Variants in COMMD10 observed in about 807,000 individuals in gnomAD.
The protein encoded by COMMD10 is COMM domain containing 10, also known as COMM domain-containing protein 10.
COMMD10 carries 33 observed loss-of-function variants against 28.9 expected under a neutral mutation model. The ratio of observed to expected loss-of-function variants is 1.14; its 90% CI spans 0.87 to 1.53. COMMD10 has a LOEUF of 1.53. Among genes scored for constraint, COMMD10 ranks in the 40% most tolerant of loss-of-function variants. The pLI, the probability that COMMD10 is intolerant of heterozygous loss-of-function variation, is 0.00. For synonymous variants in COMMD10, 110 were observed against 81.7 expected, an observed-to-expected ratio of 1.35 and a Z score of -1.87; for missense variants, 310 against 233.4, an observed-to-expected ratio of 1.33 and a Z score of -2.14.
At chr5:116,116,804 C>T (rs1009902078) in intron 4 of COMMD10, among the ~76,000 whole-genome samples, 4 of 151,640 alleles carry the variant, frequency 2.6e-5, no homozygotes, top group African/African-American at 4.9e-5. Flanking sequence ...CTGCAAGCTC[C>T]GCTTCCCGGG....
rs201966138 is a variant in COMMD10, at chr5:116,091,084, G to C, written c.138G>C (p.Glu46Asp). 5 of 1,602,648 alleles carry C rather than the reference G, an allele frequency of 3.1e-6. No homozygotes were observed. In the South Asian group the frequency reaches 5.6e-5, roughly 18 times the overall value. The change falls in exon 3 of 7, where the codon GAG becomes GAC. Residue 46 changes from glutamate (E) to aspartate (D), a missense_variant. Coordinates refer to ENST00000274458, the MANE Select transcript of COMMD10 (RefSeq NM_016144.4). ...RILQKLHLKAESSFSEEEEEK... is the reference protein window; with the variant it reads ...RILQKLHLKADSSFSEEEEEK... Reference sequence around the variant, plus strand: ...GATTGCTATTTGTATTATAGGCTGAGAGCAGTTTCAGTGAAGAAGAGGAAG... The same window carrying C: ...GATTGCTATTTGTATTATAGGCTGACAGCAGTTTCAGTGAAGAAGAGGAAG...
intron 4 of COMMD10, among the ~76,000 whole-genome samples, chr5:116,130,204 A>T (rs1393374477): frequency 6.6e-6 from 1 of 151,848 alleles, no homozygotes; most frequent in Admixed American, 6.6e-5. Context: ...GAATGTGCTT[A>T]CTGTATGCGG....
At chr5:116,249,778 G>A (rs1750056831) in intron 5 of COMMD10, among the ~76,000 whole-genome samples, 1 of 151,860 alleles carries the variant, frequency 6.6e-6, no homozygotes, top group African/African-American at 2.4e-5. Context: ...CCTTTATATG[G>A]CTTATGCTTC....
chr5:116,192,114 G>C (rs552816410), intron 5 of COMMD10, among the ~76,000 whole-genome samples: 139 of 152,174 alleles, frequency 9.1e-4, no homozygotes, highest in Admixed American at 1.4e-3. Flanking sequence ...AAAATGGAGA[G>C]AGTACTACAT....
chr5:116,264,144 A>G (rs375605759), intron 5 of COMMD10, among the ~76,000 whole-genome samples: 2 of 151,648 alleles, frequency 1.3e-5, no homozygotes, highest in Non-Finnish European at 2.9e-5. Flanking sequence ...CTGTTTCCCA[A>G]CTACCTCTTG....
intron 4 of COMMD10, among the ~76,000 whole-genome samples, chr5:116,095,008 T>C (rs9687859): frequency 0.9 from 136,727 of 152,230 alleles, 61,549 homozygotes; most frequent in African/African-American, 0.94. Context: ...CACCAGAGGC[T>C]GAGAAGAATG....
intron 4 of COMMD10, among the ~76,000 whole-genome samples, chr5:116,108,286 C>A (rs1481848167): frequency 6.6e-6 from 1 of 152,242 alleles, no homozygotes; most frequent in Non-Finnish European, 1.5e-5. Context: ...CCACCCCTTT[C>A]CCCAGGTGCT....
chr5:116,153,009 T>C (rs572009152), intron 5 of COMMD10, among the ~76,000 whole-genome samples: 1 of 152,090 alleles, frequency 6.6e-6, no homozygotes, highest in Non-Finnish European at 1.5e-5. Flanking sequence ...TAGATTGGCA[T>C]GGTAGTAACT....
chr5:116,287,540 A>G (rs1456949603), intron 5 of COMMD10, among the ~76,000 whole-genome samples: 1 of 151,828 alleles, frequency 6.6e-6, no homozygotes, highest in South Asian at 2.1e-4. Flanking sequence ...ACCAGCCTGT[A>G]TCTTTTGATT....
chr5:116,156,354 ATAG>A (rs1470795007), intron 5 of COMMD10, among the ~76,000 whole-genome samples: 4 of 152,282 alleles, frequency 2.6e-5, no homozygotes, highest in South Asian at 2.1e-4. Context: ...AATTGGAACA[ATAG>A]TAGGTGCCTC....
At chr5:116,183,088 G>C (rs1748024588) in intron 5 of COMMD10, among the ~76,000 whole-genome samples, 1 of 152,014 alleles carries the variant, frequency 6.6e-6, no homozygotes, top group Non-Finnish European at 1.5e-5. Flanking sequence ...CCAGTCTTCG[G>C]TATTTCTTCA....
chr5:116,286,260 A>G (rs962886661), intron 5 of COMMD10, among the ~76,000 whole-genome samples: 7 of 151,334 alleles, frequency 4.6e-5, no homozygotes, highest in African/African-American at 1.7e-4. Context: ...TTTTTTCTTA[A>G]TTAGTCTAGC....
intron 5 of COMMD10, among the ~76,000 whole-genome samples, chr5:116,199,619 T>A (rs2112621642): frequency 6.6e-6 from 1 of 152,304 alleles, no homozygotes; most frequent in East Asian, 1.9e-4. Context: ...CTTTCCCTAA[T>A]GCTCCCTCTT....
chr5:116,289,766 T>C (rs905406494), intron 5 of COMMD10, among the ~76,000 whole-genome samples: 1 of 151,770 alleles, frequency 6.6e-6, no homozygotes, highest in Non-Finnish European at 1.5e-5. Flanking sequence ...TCCTACCACT[T>C]TCATTGGAAT....
At chr5:116,272,285 G>A (rs1750780503) in intron 5 of COMMD10, among the ~76,000 whole-genome samples, 1 of 151,794 alleles carries the variant, frequency 6.6e-6, no homozygotes, top group Admixed American at 6.6e-5. Context: ...AAAAGTCAGA[G>A]GAGGCAAATC....
rs1254535680 is a variant in COMMD10 at position 116,152,957 on chromosome 5, A to G, written c.510+18779A>G. 3.3e-5 allele frequency among the ~76,000 whole-genome samples: 5 copies of G among 152,168 alleles called. No individual in the cohort carries two copies. The East Asian group carries it at 9.7e-4, about 29-fold the overall frequency. On this transcript the variant is annotated intron_variant, in intron 5 of 6. Transcript: ENST00000274458. ...CTTTGTGAGTGGGTATTTTGTTTCCAGCTATACAGAAGTTGCATAATAGCT... is the reference window on the plus strand; with the variant it reads ...CTTTGTGAGTGGGTATTTTGTTTCCGGCTATACAGAAGTTGCATAATAGCT...
chr5:116,256,394 T>C (rs1400127323), intron 5 of COMMD10, among the ~76,000 whole-genome samples: 1 of 151,764 alleles, frequency 6.6e-6, no homozygotes, highest in Non-Finnish European at 1.5e-5. Flanking sequence ...ATTTAGATGT[T>C]AGTTTTAACT....
intron 5 of COMMD10, among the ~76,000 whole-genome samples, chr5:116,277,961 C>G (rs994917812): frequency 6.6e-6 from 1 of 151,762 alleles, no homozygotes; most frequent in South Asian, 2.1e-4. Context: ...AAAAGAGAAA[C>G]CTAAATTTGA....
At chr5:116,145,264 G>C (rs1167058856) in intron 5 of COMMD10, among the ~76,000 whole-genome samples, 1 of 151,826 alleles carries the variant, frequency 6.6e-6, no homozygotes, top group Non-Finnish European at 1.5e-5. Context: ...AGTGCTGATT[G>C]CCCAATTGTG....
Sources: gnomAD v4.1 joint callset for allele counts (sites outside exome capture counted in the v4.1 genomes callset) on GRCh38, gnomAD v4.1.1 for gene constraint, MANE v1.5 for transcripts, NCBI Gene and HGNC (gene_info 2026-07-23, HGNC 2026-07-21) for gene names.